The following CLIP1 variants were observed in gnomAD, a reference collection of about 807,000 sequenced individuals.
CLIP1 encodes the protein CAP-Gly domain-containing linker protein 1.
CLIP1 carries 66 observed loss-of-function variants against 161.6 expected under a neutral mutation model. The ratio of observed to expected loss-of-function variants is 0.41; its 90% CI spans 0.33 to 0.50. The LOEUF (loss-of-function observed/expected upper bound fraction) is 0.50. Among genes scored for constraint, CLIP1 ranks in the 20% least tolerant of loss-of-function variants. The pLI is 0.27. For synonymous variants in CLIP1, 598 were observed against 626.2 expected, an observed-to-expected ratio of 0.96 and a Z score of 0.67; for missense variants, 1,376 against 1,702.0, an observed-to-expected ratio of 0.81 and a Z score of 3.37.
At chr12:122,333,335 G>C (rs1010082912) in intron 14 of CLIP1, among the ~76,000 whole-genome samples, 192 bp from the exon 15 acceptor site, 2 of 152,192 alleles carry the variant, frequency 1.3e-5, no homozygotes, top group African/African-American at 4.8e-5. Context: ...TAAGTGCTAA[G>C]AGGAAGGAAA....
chr12:122,337,432 T>A (rs1201156499), intron 11 of CLIP1, among the ~76,000 whole-genome samples: 1 of 133,414 alleles, frequency 7.5e-6, no homozygotes, highest in African/African-American at 2.9e-5. Flanking sequence ...GGTGACACAG[T>A]GGGACTCTGC....
chr12:122,408,160 C>G (rs975735663), intron 1 of CLIP1, among the ~76,000 whole-genome samples: 1 of 148,406 alleles, frequency 6.7e-6, no homozygotes, highest in African/African-American at 2.5e-5. Context: ...CACTTGAACC[C>G]GGGAGACGGA....
rs1952794239 is a variant in CLIP1, at chr12:122,347,246, G to C, written c.1506+129C>G. On this transcript the variant is annotated intron_variant, in intron 10 of 25. Coordinates refer to ENST00000620786, the MANE Select transcript of CLIP1 (RefSeq NM_001247997.2). ...CATCAGTCTCAGCTCACAAACACCT[G>C]AATGGTACCAAGACCAAACTCAGGT... The C allele has an allele frequency of 2.8e-5, 17 of 608,500 alleles. No homozygotes were observed. In the South Asian group the frequency reaches 3.9e-4, roughly 14 times the overall value. The allele number at this position is 608,500 out of a possible 1,614,324, so 37.7% of individuals were successfully genotyped here.
intron 5 of CLIP1, among the ~76,000 whole-genome samples, chr12:122,358,467 ACC>A (rs909706656): frequency 2.0e-5 from 3 of 149,414 alleles, no homozygotes; most frequent in African/African-American, 7.4e-5. Flanking sequence ...GAAAAAAAAA[ACC>A]ACTTGTTGAA....
At chr12:122,282,683 GTA>G (rs573205309) in intron 21 of CLIP1, among the ~76,000 whole-genome samples, 1 of 151,448 alleles carries the variant, frequency 6.6e-6, no homozygotes, top group Non-Finnish European at 1.5e-5. Context: ...ATATATATAT[GTA>G]TATATATATA....
At chr12:122,393,546 G>C (rs1955760444) in intron 1 of CLIP1, among the ~76,000 whole-genome samples, 1 of 152,168 alleles carries the variant, frequency 6.6e-6, no homozygotes, top group Non-Finnish European at 1.5e-5. Flanking sequence ...CCCAGTTAAA[G>C]AGAGACATTT....
At chr12:122,360,227 A>G (rs1011939944) in intron 5 of CLIP1, among the ~76,000 whole-genome samples, 10 of 152,164 alleles carry the variant, frequency 6.6e-5, no homozygotes, top group African/African-American at 2.2e-4. Context: ...TTAAAATCCT[A>G]TTAACACACC....
intron 20 of CLIP1, among the ~76,000 whole-genome samples, chr12:122,293,396 G>A (rs911093684): frequency 6.6e-6 from 1 of 152,042 alleles, no homozygotes; most frequent in African/African-American, 2.4e-5. Context: ...GTGCTGAGAA[G>A]TATGTGGGAT....
intron 15 of CLIP1, among the ~76,000 whole-genome samples, chr12:122,330,113 G>A (rs537144493): frequency 7.9e-5 from 12 of 151,562 alleles, no homozygotes; most frequent in African/African-American, 1.9e-4. Flanking sequence ...GCAAAGCTCC[G>A]TCTCAAAAAA....
At chr12:122,393,166 G>GTTT (rs55816714) in intron 1 of CLIP1, among the ~76,000 whole-genome samples, 1 of 139,208 alleles carries the variant, frequency 7.2e-6, no homozygotes, top group Non-Finnish European at 1.6e-5. Context: ...TGGCAATCTT[G>GTTT]TTTTTTTTTT....
intron 20 of CLIP1, among the ~76,000 whole-genome samples, chr12:122,301,596 C>T (rs1003401052): frequency 6.6e-6 from 1 of 152,166 alleles, no homozygotes; most frequent in Non-Finnish European, 1.5e-5. Flanking sequence ...ATCACTTGAA[C>T]CCGGGAGGCG....
At chr12:122,344,526 T>C (rs779882218) in intron 10 of CLIP1, among the ~76,000 whole-genome samples, 15 of 152,096 alleles carry the variant, frequency 9.9e-5, no homozygotes, top group Non-Finnish European at 1.6e-4. Context: ...CAATGGTTCT[T>C]AGTTACAACA....
intron 17 of CLIP1, among the ~76,000 whole-genome samples, chr12:122,327,640 AGCAGAGCTCAG>A (rs1186726166): frequency 1.3e-5 from 2 of 151,988 alleles, no homozygotes; most frequent in Non-Finnish European, 2.9e-5. Flanking sequence ...CAAGCAGGCA[AGCAGAGCTCAG>A]GCAACGAAAG....
At chr12:122,403,923 C>T (rs1956228622) in intron 1 of CLIP1, among the ~76,000 whole-genome samples, 1 of 152,166 alleles carries the variant, frequency 6.6e-6, no homozygotes. Flanking sequence ...CAGAGTGGTC[C>T]GATGACATGA....
intron 13 of CLIP1, 86 bp downstream of exon 13, chr12:122,334,562 G>T: frequency 1.1e-6 from 1 of 885,868 alleles, no homozygotes; most frequent in Non-Finnish European, 1.8e-6. Flanking sequence ...TACGAGCAGT[G>T]TAACTCTGTG....
intron 1 of CLIP1, among the ~76,000 whole-genome samples, chr12:122,394,759 G>A (rs1478671039): frequency 2.0e-5 from 3 of 151,404 alleles, no homozygotes; most frequent in South Asian, 2.1e-4. Context: ...GGTGGTGCGC[G>A]CCTGTAATCC....
chr12:122,410,721 AGTGCTGGGATTACAGGC>A (rs1956497296), intron 1 of CLIP1, among the ~76,000 whole-genome samples: 1 of 152,124 alleles, frequency 6.6e-6, no homozygotes. Flanking sequence ...AGCCTCCCAA[AGTGCTGGGATTACAGGC>A]GTGAGCCACC....
chr12:122,351,111 AT>A lies in CLIP1; in HGVS notation c.1400del (p.Asn467IlefsTer32). 1 of 1,535,248 alleles carries A rather than the reference AT, an allele frequency of 6.5e-7. No individual in the cohort carries two copies. Among genetic ancestry groups the A allele is most frequent in the Non-Finnish European group, 8.7e-7 (1 of 1,147,686 alleles). On this transcript the variant is annotated frameshift_variant and splice_region_variant, in exon 9 of 26. Coordinates refer to ENST00000620786, the MANE Select transcript of CLIP1 (RefSeq NM_001247997.2). LOFTEE classifies it high-confidence loss of function. ...QKSQISEDPENTQTKLEHARI... is the reference protein window; with the variant it reads ...QKSQISEDPEXTQTKLEHARI... ...TCCACACAGTTAAGTGCCCTCTTAC[AT>A]TCTCAGGATCTTCAGAAATCTGGCT...
At chr12:122,334,823 A>C (rs555292394) in intron 12 of CLIP1, 118 bp from the exon 13 acceptor site, 1 of 680,742 alleles carries the variant, frequency 1.5e-6, no homozygotes, top group Non-Finnish European at 2.6e-6. Flanking sequence ...TGTTTTATTA[A>C]AACTAATACA....
Sources: allele counts gnomAD v4.1 joint callset (sites outside exome capture counted in the v4.1 genomes callset), GRCh38; gene constraint gnomAD v4.1.1; transcripts MANE v1.5; gene names NCBI Gene and HGNC (gene_info 2026-07-23, HGNC 2026-07-21).